SYAP1: variants seen among roughly 807,000 people sequenced by gnomAD.
SYAP1 encodes synapse associated protein 1, also known as synapse-associated protein 1.
A neutral mutation model predicts 29.6 loss-of-function variants in SYAP1; 3 were observed. The observed-to-expected ratio is 0.10, with a 90% CI of 0.05 to 0.26. The LOEUF (loss-of-function observed/expected upper bound fraction) is 0.26. Ranked by LOEUF, SYAP1 falls within the 10% of genes least tolerant of loss-of-function variation. SYAP1 has a pLI of 1.00. For synonymous variants in SYAP1, 102 were observed against 102.7 expected (o/e 0.99, Z 0.04); for missense variants, 217 against 264.1 (o/e 0.82, Z 1.24).
At chrX:16,740,835 T>C (rs1417513617) in intron 3 of SYAP1, among the ~76,000 whole-genome samples, 1 of 111,835 alleles carries the variant, frequency 8.9e-6, no homozygotes, top group Non-Finnish European at 1.9e-5. Context: ...ATAACATTTG[T>C]CCCCCTCGTA....
intron 5 of SYAP1, among the ~76,000 whole-genome samples, chrX:16,751,479 G>A (rs1255631407): frequency 1.0e-5 from 1 of 98,656 alleles, no homozygotes; most frequent in African/African-American, 3.7e-5. Context: ...GGATAAAGAG[G>A]CATTCTCCCA....
intron 1 of SYAP1, among the ~76,000 whole-genome samples, chrX:16,729,298 C>T (rs1202303917): frequency 9.0e-6 from 1 of 110,740 alleles, no homozygotes; most frequent in African/African-American, 3.3e-5. Context: ...TTCACCTTTA[C>T]GTTAGTGTAC....
Position 16,735,339 on chromosome X carries a change from T to C in SYAP1, c.288T>C (p.Ile96=). Residue 96 remains isoleucine, a synonymous_variant, in exon 2 of 9, where the codon ATT becomes ATC. Coordinates refer to ENST00000380155, the MANE Select transcript of SYAP1 (RefSeq NM_032796.4). ...AAGAAGGAAAAATAGATGGCATCATTGACAAGGTATATTCAATTATCTTTT... is the reference window on the plus strand; with the variant it reads ...AAGAAGGAAAAATAGATGGCATCATCGACAAGGTATATTCAATTATCTTTT... ...SVEEGKIDGI[I]DKTIIGDFQK... is the part of the protein sequence containing the mutation. 9.0e-7 allele frequency: 1 copy of C among 1,113,929 alleles called. No individual in the cohort carries two copies. The highest frequency in any genetic ancestry group is 1.2e-6 in the Non-Finnish European group (1 of 816,119). 91.8% of individuals were successfully genotyped at this position (1,113,929 alleles called of 1,213,427 possible).
intron 1 of SYAP1, among the ~76,000 whole-genome samples, chrX:16,734,330 G>A (rs1342220344): frequency 9.5e-6 from 1 of 105,596 alleles, no homozygotes; most frequent in East Asian, 3.0e-4. Context: ...AGTGAACTGA[G>A]ATCTGAGATC....
At chrX:16,747,229 G>A (rs960800945) in intron 5 of SYAP1, among the ~76,000 whole-genome samples, 2 of 111,891 alleles carry the variant, frequency 1.8e-5, no homozygotes, top group East Asian at 5.6e-4. Flanking sequence ...GGTTATAGAC[G>A]AGAGCCACCC....
rs1470511014 is a variant in SYAP1 at position 16,736,766 on chromosome X, C to T, written c.361+534C>T. 7.1e-5 allele frequency among the ~76,000 whole-genome samples: 8 copies of T among 111,957 alleles called. No individual in the cohort carries two copies. In the East Asian group the frequency reaches 2.2e-3, roughly 31 times the overall value. ...CTCGTGATCCGCCCGCCTTAGCCTC[C>T]CAAAGTGCTGGGATTATAGGCATGA... On this transcript the variant is annotated intron_variant, in intron 3 of 8. Transcript: ENST00000380155.
At chrX:16,759,006 A>G (rs1295926540) in intron 8 of SYAP1, among the ~76,000 whole-genome samples, 1 of 99,474 alleles carries the variant, frequency 1.0e-5, no homozygotes, top group Admixed American at 1.1e-4. Context: ...ACATGGTGAA[A>G]CCCCGTCTCT....
intron 4 of SYAP1, among the ~76,000 whole-genome samples, chrX:16,742,787 A>C (rs1007025477): frequency 9.2e-6 from 1 of 108,326 alleles, no homozygotes; most frequent in African/African-American, 3.4e-5. Context: ...CTAATTTTTA[A>C]AATTGTTTTT....
intron 1 of SYAP1, among the ~76,000 whole-genome samples, chrX:16,728,124 C>G (rs919638062): frequency 5.4e-5 from 6 of 111,723 alleles, no homozygotes; most frequent in Non-Finnish European, 9.4e-5. Flanking sequence ...GAAAAGTTTC[C>G]TTGACTCTGA....
chrX:16,746,527 G>A (rs1386689350), intron 5 of SYAP1, among the ~76,000 whole-genome samples: 2 of 110,651 alleles, frequency 1.8e-5, no homozygotes, highest in Non-Finnish European at 3.8e-5. Flanking sequence ...GTGAGCCACT[G>A]CGCCCAGCTA....
chrX:16,758,455 C>G (rs777328456), intron 8 of SYAP1, among the ~76,000 whole-genome samples: 2 of 109,301 alleles, frequency 1.8e-5, no homozygotes, highest in Non-Finnish European at 3.8e-5. Flanking sequence ...TCAAGCGATT[C>G]TCCTGCCTCA....
At chrX:16,736,411 G>A (rs767862446) in intron 3 of SYAP1, 179 bp downstream of exon 3, 133 of 380,162 alleles carry the variant, frequency 3.5e-4, no homozygotes, top group African/African-American at 3.2e-3. Flanking sequence ...TAAAGGAAGG[G>A]ACTAGATTGT....
intron 1 of SYAP1, 24 bp downstream of exon 1, chrX:16,719,923 C>T (rs1009097975): frequency 8.6e-7 from 1 of 1,161,086 alleles, no homozygotes; most frequent in Non-Finnish European, 1.1e-6. Flanking sequence ...GGCTCTGGGA[C>T]CGGGAAGGGG....
intron 7 of SYAP1, 150 bp from the exon 8 acceptor site, chrX:16,757,012 A>C: frequency 1.4e-6 from 1 of 707,427 alleles, no homozygotes; most frequent in Non-Finnish European, 2.1e-6. Flanking sequence ...ACTGCAAGTT[A>C]GAAGGTTGGA....
rs749285476 is a variant in SYAP1 at position 16,735,211 on chromosome X, T to C, written c.176-16T>C. On this transcript the variant is annotated splice_polypyrimidine_tract_variant and intron_variant, in intron 1 of 8. Transcript: ENST00000380155. ...TCTCAAACATAATAACCACAGATTCTTTTTATTCTTTACAGACTATTTATT... is the reference window on the plus strand; with the variant it reads ...TCTCAAACATAATAACCACAGATTCCTTTTATTCTTTACAGACTATTTATT... 1 of 1,076,762 alleles carries C rather than the reference T, an allele frequency of 9.3e-7. No homozygotes were observed. Among genetic ancestry groups the C allele is most frequent in the Non-Finnish European group, 1.3e-6 (1 of 789,985 alleles). The allele number at this position is 1,076,762 out of a possible 1,213,427, so 88.7% of individuals were successfully genotyped here.
chrX:16,742,576 C>T (rs1340517491), intron 4 of SYAP1, among the ~76,000 whole-genome samples: 1 of 111,418 alleles, frequency 9.0e-6, no homozygotes, highest in African/African-American at 3.3e-5. Context: ...GTGTGAGCCA[C>T]CATGCGCTGC....
At position 16,743,719 on chromosome X, in the gene SYAP1, C is replaced by T. The variant is rs140529370; in HGVS notation, c.454C>T (p.Arg152Cys). 1.7e-6 allele frequency: 2 copies of T among 1,207,874 alleles called. No homozygotes were observed. The highest frequency in any genetic ancestry group is 2.2e-6 in the Non-Finnish European group (2 of 894,258). ...ALSADKRNFLRDPPAGVQFNF... is the reference protein window; with the variant it reads ...ALSADKRNFLCDPPAGVQFNF... ...ATCAAAGGACAAGAGGAATTTCCTT[C>T]GTGACCCTCCGGCTGGCGTGCAATT... is the stretch of plus-strand genomic sequence containing the variant. Residue 152 changes from arginine (R) to cysteine (C), a missense_variant, in exon 5 of 9, where the codon CGT becomes TGT. Arg to Cys is a radical substitution (Grantham distance 180). Coordinates refer to ENST00000380155, the MANE Select transcript of SYAP1 (RefSeq NM_032796.4).
intron 5 of SYAP1, among the ~76,000 whole-genome samples, chrX:16,751,470 G>C (rs1381174960): frequency 1.0e-5 from 1 of 95,571 alleles, no homozygotes; most frequent in Non-Finnish European, 2.1e-5. Flanking sequence ...AAAAAAAAGG[G>C]ATAAAGAGGC....
At chrX:16,743,861 C>T (rs749922848) in intron 5 of SYAP1, 21 bp downstream of exon 5, 6 of 1,203,367 alleles carry the variant, frequency 5.0e-6, no homozygotes, top group Non-Finnish European at 6.7e-6. Flanking sequence ...TGTTCTCCAG[C>T]GTTTCCTCAT....
Sources: gnomAD v4.1 joint callset for allele counts (sites outside exome capture counted in the v4.1 genomes callset) on GRCh38, gnomAD v4.1.1 for gene constraint, MANE v1.5 for transcripts, NCBI Gene and HGNC (gene_info 2026-07-23, HGNC 2026-07-21) for gene names.